OC90: variants seen among roughly 807,000 people sequenced by gnomAD.
OC90 encodes the protein otoconin-90.
A neutral mutation model predicts 47.3 loss-of-function variants in OC90; 46 were observed. The ratio of observed to expected loss-of-function variants is 0.97; its 90% CI spans 0.77 to 1.24. The LOEUF is 1.24. OC90 is among the 50% of genes most tolerant of loss of function. OC90 has a pLI of 0.00. For synonymous variants in OC90, 271 were observed against 219.5 expected (o/e 1.23, Z -2.07); for missense variants, 688 against 583.9 (o/e 1.18, Z -1.84).
intron 4 of OC90, among the ~76,000 whole-genome samples, chr8:132,044,214 A>G (rs955223428): frequency 6.6e-6 from 1 of 152,132 alleles, no homozygotes; most frequent in Non-Finnish European, 1.5e-5. Context: ...AGTCAGGACT[A>G]ATGAAGTAAG....
At position 132,024,505 on chromosome 8, in the gene OC90, C is replaced by T; in HGVS notation, c.1410G>A (p.Gly470=). 2 of 1,569,976 alleles carry T rather than the reference C, an allele frequency of 1.3e-6. No individual in the cohort carries two copies. The highest frequency in any genetic ancestry group is 2.3e-5 in the East Asian group (1 of 44,264). The change falls in exon 14 of 14, where the codon GGG becomes GGA. Residue 470 remains glycine (G), a synonymous_variant. Coordinates refer to ENST00000254627, the MANE Select transcript of OC90 (RefSeq NM_001080399.3). ...TCTATCTTCCATGAAGAGGCCCGAT[C>T]CCCAAGGGACCCAGTGACTTCCGCA... is the stretch of plus-strand genomic sequence containing the variant. ...RFLRKSLGPL[G]IGPLHGR
chr8:132,050,891 G>T (rs1823203778), intron 2 of OC90, among the ~76,000 whole-genome samples: 1 of 152,160 alleles, frequency 6.6e-6, no homozygotes, highest in Non-Finnish European at 1.5e-5. Flanking sequence ...CTACTCAGGA[G>T]GCTGAGGCAG....
intron 9 of OC90, among the ~76,000 whole-genome samples, chr8:132,036,103 C>T (rs892041829): frequency 6.6e-6 from 1 of 152,164 alleles, no homozygotes; most frequent in Non-Finnish European, 1.5e-5. Flanking sequence ...ACAGTGTTCT[C>T]TATGAGCCAC....
At chr8:132,051,714 C>G (rs1481011435) in intron 2 of OC90, among the ~76,000 whole-genome samples, 2 of 152,120 alleles carry the variant, frequency 1.3e-5, no homozygotes, top group Non-Finnish European at 2.9e-5. Flanking sequence ...AGACCGAGGA[C>G]TGTAGACCCA....
intron 13 of OC90, among the ~76,000 whole-genome samples, chr8:132,028,585 AGGAAGGAAGGAAGGAG>A (rs765416780): frequency 0.068 from 2,581 of 37,710 alleles, 59 homozygotes; most frequent in Non-Finnish European, 0.081. Context: ...GAAGGAAGGA[AGGAAGGAAGGAAGGAG>A]GGAAGGAGGG....
intron 13 of OC90, among the ~76,000 whole-genome samples, chr8:132,026,685 G>A (rs1386548348): frequency 6.6e-6 from 1 of 152,214 alleles, no homozygotes; most frequent in East Asian, 1.9e-4. Context: ...CAGATGCAGT[G>A]TTCCTGGATT....
At chr8:132,051,620 G>A (rs1490676086) in intron 2 of OC90, among the ~76,000 whole-genome samples, 1 of 152,208 alleles carries the variant, frequency 6.6e-6, no homozygotes, top group African/African-American at 2.4e-5. Context: ...GACATTGTGA[G>A]ATTACATGAA....
chr8:132,032,132 G>T, intron 11 of OC90, 80 bp from the exon 12 acceptor site: 1 of 1,307,396 alleles, frequency 7.6e-7, no homozygotes, highest in South Asian at 1.3e-5. Context: ...GAGCCTCCGG[G>T]TTGTATGTGG....
intron 3 of OC90, 41 bp downstream of exon 3, chr8:132,045,777 C>A (rs1343870980): frequency 2.6e-6 from 3 of 1,170,126 alleles, no homozygotes; most frequent in Non-Finnish European, 3.8e-6. Flanking sequence ...TCCTAGACAA[C>A]TTTCTACTCT....
intron 11 of OC90, among the ~76,000 whole-genome samples, chr8:132,032,505 T>G (rs540581115): frequency 6.6e-6 from 1 of 152,254 alleles, no homozygotes; most frequent in South Asian, 2.1e-4. Flanking sequence ...TCTGTCTCTA[T>G]TTCTCTTCCT....
In OC90 at chr8:132,041,032, G is replaced by A. The variant is rs776491422; in HGVS notation, c.457+12C>T. On this transcript the variant is annotated intron_variant, in intron 6 of 13. Coordinates refer to ENST00000254627, the MANE Select transcript of OC90 (RefSeq NM_001080399.3). ...CTGGGCCCAGGCCCCTGGGACACCT[G>A]GAGATGCTTACCACATATGATCTTC... 4 of 1,504,110 alleles carry A rather than the reference G, an allele frequency of 2.7e-6. No homozygotes were observed. The highest frequency in any genetic ancestry group is 3.7e-6 in the Non-Finnish European group (4 of 1,079,660). 93.2% of individuals were successfully genotyped at this position (1,504,110 alleles called of 1,614,324 possible). A position where few individuals can be genotyped will look rare whatever the true frequency, so the allele number is the denominator to read the frequency against.
At chr8:132,045,161 A>T (rs912224087) in intron 3 of OC90, among the ~76,000 whole-genome samples, 1 of 152,236 alleles carries the variant, frequency 6.6e-6, no homozygotes, top group Non-Finnish European at 1.5e-5. Flanking sequence ...TCTAGAAGTT[A>T]TGCCATTTGG....
At chr8:132,026,498 G>A (rs1164842595) in intron 13 of OC90, among the ~76,000 whole-genome samples, 1 of 152,178 alleles carries the variant, frequency 6.6e-6, no homozygotes, top group African/African-American at 2.4e-5. Context: ...CAGAGGTCCT[G>A]TTCCCCAGAG....
chr8:132,036,172 CAA>C (rs1328975380), intron 9 of OC90, among the ~76,000 whole-genome samples: 1 of 152,142 alleles, frequency 6.6e-6, no homozygotes, highest in Non-Finnish European at 1.5e-5. Context: ...GAGAACAGCC[CAA>C]GTTACTTGCT....
intron 3 of OC90, 119 bp from the exon 4 acceptor site, chr8:132,044,608 C>A (rs1018527370): frequency 1.5e-6 from 1 of 650,436 alleles, no homozygotes; most frequent in Admixed American, 2.7e-5. Flanking sequence ...AAAAAATTGA[C>A]CTTGGGCTAA....
At chr8:132,050,249 G>A (rs1823194373) in intron 2 of OC90, among the ~76,000 whole-genome samples, 1 of 152,192 alleles carries the variant, frequency 6.6e-6, no homozygotes, top group African/African-American at 2.4e-5. Context: ...GCAAAGGGAG[G>A]AGGATATCAA....
At chr8:132,038,604 G>A (rs778200101) in intron 8 of OC90, among the ~76,000 whole-genome samples, 186 bp downstream of exon 8, 7 of 152,202 alleles carry the variant, frequency 4.6e-5, no homozygotes, top group Non-Finnish European at 7.3e-5. Flanking sequence ...GCCATTTGAT[G>A]TTGGGCATTT....
Position 132,029,148 on chromosome 8 carries a change from G to C in OC90, c.1063C>G (p.Gln355Glu). ...CCLSHHCCLE[Q>E]VRRLGCLLER... is the part of the protein sequence containing the mutation. ...AGCAGGCAGCCCAGCCTTCTCACTT[G>C]CTCTAGGCAGCAGTGATGGGACAAG... Residue 355 changes from glutamine (Q) to glutamate (E), a missense_variant, in exon 13 of 14, where the codon CAA (glutamine) becomes GAA (glutamate). Physicochemically the swap from Gln to Glu is conservative, Grantham distance 29. Coordinates refer to ENST00000254627, the MANE Select transcript of OC90 (RefSeq NM_001080399.3). 5 of 1,613,762 alleles carry C rather than the reference G, an allele frequency of 3.1e-6. No individual in the cohort carries two copies. Among genetic ancestry groups the C allele is most frequent in the Non-Finnish European group, 3.4e-6 (4 of 1,179,744 alleles).
At chr8:132,052,407 T>C (rs1338592651) in intron 2 of OC90, among the ~76,000 whole-genome samples, 7 of 152,228 alleles carry the variant, frequency 4.6e-5, no homozygotes. Context: ...TAGTAAAATT[T>C]GCCTGTTCCT....
Sources: gnomAD v4.1 joint callset for allele counts (sites outside exome capture counted in the v4.1 genomes callset) on GRCh38, gnomAD v4.1.1 for gene constraint, MANE v1.5 for transcripts, NCBI Gene and HGNC (gene_info 2026-07-23, HGNC 2026-07-21) for gene names.